The following SPAG16 variants were observed in gnomAD, a reference collection of about 807,000 sequenced individuals.
SPAG16 encodes the protein sperm associated antigen 16.
SPAG16 carries 86 observed loss-of-function variants against 80.4 expected under a neutral mutation model. The observed-to-expected ratio is 1.07, with a 90% CI of 0.90 to 1.28. SPAG16 has a LOEUF of 1.28. Ranked by LOEUF, SPAG16 falls within the 50% of genes most tolerant of loss-of-function variation. The probability of loss-of-function intolerance (pLI) is 0.00; values close to 1 mark genes in which losing one functional copy is unlikely to be tolerated. For synonymous variants in SPAG16, 294 were observed against 265.9 expected, an observed-to-expected ratio of 1.11 and a Z score of -1.03; for missense variants, 870 against 765.3, an observed-to-expected ratio of 1.14 and a Z score of -1.61.
intron 9 of SPAG16, among the ~76,000 whole-genome samples, chr2:213,414,406 T>G (rs1437460758): frequency 6.6e-6 from 1 of 152,218 alleles, no homozygotes; most frequent in Non-Finnish European, 1.5e-5. Flanking sequence ...AGAATATTTA[T>G]AAATCTCTGT....
chr2:213,483,488 T>C (rs1220558556), intron 9 of SPAG16, among the ~76,000 whole-genome samples: 1 of 152,242 alleles, frequency 6.6e-6, no homozygotes, highest in Non-Finnish European at 1.5e-5. Flanking sequence ...ATAGGCTTTA[T>C]AAATCTTTTA....
chr2:213,588,658 C>T (rs1238425157), intron 10 of SPAG16, among the ~76,000 whole-genome samples: 2 of 150,780 alleles, frequency 1.3e-5, no homozygotes, highest in African/African-American at 4.9e-5. Flanking sequence ...AAAAATCAGC[C>T]GGGCGCGGTG....
At chr2:213,318,713 TG>T (rs1247460757) in intron 5 of SPAG16, among the ~76,000 whole-genome samples, 2 of 152,006 alleles carry the variant, frequency 1.3e-5, no homozygotes, top group African/African-American at 4.8e-5. Flanking sequence ...ACCATTTTGT[TG>T]AATAGCAGCC....
intron 1 of SPAG16, among the ~76,000 whole-genome samples, chr2:213,293,570 A>G (rs1361890144): frequency 6.6e-6 from 1 of 152,166 alleles, no homozygotes; most frequent in Non-Finnish European, 1.5e-5. Context: ...CATGGGGAAG[A>G]ACTGAGGTCT....
At chr2:214,189,025 T>A (rs969939591) in intron 15 of SPAG16, among the ~76,000 whole-genome samples, 1 of 152,120 alleles carries the variant, frequency 6.6e-6, no homozygotes, top group Admixed American at 6.6e-5. Context: ...GGAATCGTGG[T>A]CTTTTTACCT....
intron 10 of SPAG16, among the ~76,000 whole-genome samples, chr2:213,820,570 A>T (rs1575234305): frequency 6.6e-6 from 1 of 152,126 alleles, no homozygotes; most frequent in South Asian, 2.1e-4. Flanking sequence ...AGTGTGAAAA[A>T]CTTTCTAAGA....
chr2:213,654,410 A>G (rs1330351039), intron 10 of SPAG16, among the ~76,000 whole-genome samples: 1 of 151,860 alleles, frequency 6.6e-6, no homozygotes, highest in Non-Finnish European at 1.5e-5. Context: ...AGAAGTTGCA[A>G]TGTGGCTGGG....
chr2:213,442,658 A>G (rs1559137486), intron 9 of SPAG16, among the ~76,000 whole-genome samples: 1 of 152,224 alleles, frequency 6.6e-6, no homozygotes, highest in East Asian at 1.9e-4. Flanking sequence ...AGAAAAAGCA[A>G]TAGAAAGTAG....
At chr2:213,582,503 A>G (rs1367408847) in intron 10 of SPAG16, among the ~76,000 whole-genome samples, 1 of 152,198 alleles carries the variant, frequency 6.6e-6, no homozygotes, top group African/African-American at 2.4e-5. Flanking sequence ...ATCAGAAGTT[A>G]TAGTGATTAG....
At chr2:214,096,690 G>A (rs536317788) in intron 13 of SPAG16, among the ~76,000 whole-genome samples, 1 of 152,050 alleles carries the variant, frequency 6.6e-6, no homozygotes, top group South Asian at 2.1e-4. Context: ...AAGCAGATCC[G>A]CAGTAAAAAT....
At chr2:213,663,548 C>A (rs576301127) in intron 10 of SPAG16, among the ~76,000 whole-genome samples, 2 of 151,972 alleles carry the variant, frequency 1.3e-5, no homozygotes, top group Non-Finnish European at 2.9e-5. Flanking sequence ...ATTATAATCA[C>A]TAAAACTTTT....
At chr2:213,855,553 G>A (rs76767261) in intron 10 of SPAG16, among the ~76,000 whole-genome samples, 6 of 152,204 alleles carry the variant, frequency 3.9e-5, no homozygotes, top group Admixed American at 3.3e-4. Flanking sequence ...AAGTGTATTG[G>A]TTAATATGCT....
chr2:213,864,950 A>G (rs7572850), intron 11 of SPAG16, among the ~76,000 whole-genome samples: 36,841 of 151,984 alleles, frequency 0.24, 5,108 homozygotes, highest in South Asian at 0.37. Context: ...TGAGGGGATA[A>G]CTAACACTTG....
At chr2:213,485,273 C>G (rs577357183) in intron 9 of SPAG16, among the ~76,000 whole-genome samples, 1 of 152,268 alleles carries the variant, frequency 6.6e-6, no homozygotes, top group South Asian at 2.1e-4. Flanking sequence ...GGATTACAGG[C>G]ATAAGCCACT....
intron 13 of SPAG16, among the ~76,000 whole-genome samples, chr2:214,059,466 G>T (rs2050144404): frequency 6.6e-6 from 1 of 150,900 alleles, no homozygotes; most frequent in African/African-American, 2.4e-5. Context: ...GGGGTTTTTG[G>T]TCTTTGTTCT....
chr2:213,676,917 T>G (rs1441604778), intron 10 of SPAG16, among the ~76,000 whole-genome samples: 1 of 151,116 alleles, frequency 6.6e-6, no homozygotes, highest in Non-Finnish European at 1.5e-5. Context: ...TAGGGAGGAT[T>G]CCCTCTTTTT....
intron 10 of SPAG16, among the ~76,000 whole-genome samples, chr2:213,492,484 A>G (rs1469033102): frequency 6.6e-6 from 1 of 151,980 alleles, no homozygotes; most frequent in Non-Finnish European, 1.5e-5. Flanking sequence ...CGGGAGGTGG[A>G]GCTTGCAGTG....
intron 12 of SPAG16, among the ~76,000 whole-genome samples, chr2:213,930,847 A>G (rs929759989): frequency 6.6e-6 from 1 of 152,142 alleles, no homozygotes; most frequent in Non-Finnish European, 1.5e-5. Context: ...CCTTCAGCTA[A>G]GGGGTTATAT....
intron 10 of SPAG16, among the ~76,000 whole-genome samples, chr2:213,577,506 A>G (rs2060168157): frequency 6.6e-6 from 1 of 152,062 alleles, no homozygotes; most frequent in Non-Finnish European, 1.5e-5. Context: ...GCCCATCTCA[A>G]CTGTTTATTT....
Sources: allele counts gnomAD v4.1 joint callset (sites outside exome capture counted in the v4.1 genomes callset), GRCh38; gene constraint gnomAD v4.1.1; transcripts MANE v1.5; gene names NCBI Gene and HGNC (gene_info 2026-07-23, HGNC 2026-07-21).